Variants in CCDC171 observed in about 807,000 individuals in gnomAD.
CCDC171 encodes the protein coiled-coil domain containing 171, also known as coiled-coil domain-containing protein 171.
CCDC171 carries 177 observed loss-of-function variants against 168.2 expected under a neutral mutation model. That is an observed-to-expected ratio of 1.05 (90% CI 0.93 to 1.19). The LOEUF is 1.19. CCDC171 is among the 50% of genes most tolerant of loss of function. The pLI is 0.00. For missense variants in CCDC171, 1,991 were observed against 1,539.0 expected (o/e 1.29, Z -4.91); for synonymous variants, 687 against 540.8 (o/e 1.27, Z -3.75).
At chr9:15,709,593 C>A (rs2052503135) in intron 11 of CCDC171, among the ~76,000 whole-genome samples, 2 of 152,068 alleles carry the variant, frequency 1.3e-5, no homozygotes. Flanking sequence ...AAGATTGTAG[C>A]ATGCCAGATG....
chr9:15,805,640 C>T (rs758609530), intron 21 of CCDC171, among the ~76,000 whole-genome samples: 2 of 152,032 alleles, frequency 1.3e-5, no homozygotes, highest in Non-Finnish European at 2.9e-5. Flanking sequence ...TTTGCATTTG[C>T]ATTTGCTGAG....
At chr9:15,982,523 A>T (rs1016675255) in intron 3 of CCDC171, among the ~76,000 whole-genome samples, 7 of 152,154 alleles carry the variant, frequency 4.6e-5, no homozygotes, top group African/African-American at 1.2e-4. Context: ...TACTGGAAGG[A>T]AAGAGGGATA....
intron 16 of CCDC171, among the ~76,000 whole-genome samples, chr9:15,730,481 A>C (rs1220107903): frequency 6.6e-6 from 1 of 151,834 alleles, no homozygotes; most frequent in Non-Finnish European, 1.5e-5. Flanking sequence ...TTGGCATTGA[A>C]TTTATTAATA....
intron 11 of CCDC171, among the ~76,000 whole-genome samples, chr9:15,711,194 G>A (rs567007860): frequency 2.6e-5 from 4 of 152,200 alleles, no homozygotes; most frequent in East Asian, 3.9e-4. Context: ...ATATGAATAC[G>A]AATAATCACT....
chr9:15,630,123 T>G (rs1220287155), intron 7 of CCDC171, among the ~76,000 whole-genome samples: 7 of 152,116 alleles, frequency 4.6e-5, no homozygotes, highest in Non-Finnish European at 8.8e-5. Flanking sequence ...CATCAACTAA[T>G]GAGCAAAATA....
intron 11 of CCDC171, among the ~76,000 whole-genome samples, chr9:15,697,936 T>A (rs1045554414): frequency 6.6e-6 from 1 of 152,218 alleles, no homozygotes; most frequent in Non-Finnish European, 1.5e-5. Flanking sequence ...ATGCATGAAA[T>A]ATGTGTAATC....
At chr9:15,710,526 C>T (rs545176432) in intron 11 of CCDC171, among the ~76,000 whole-genome samples, 1 of 152,188 alleles carries the variant, frequency 6.6e-6, no homozygotes, top group East Asian at 1.9e-4. Context: ...TGGTCTCAAT[C>T]TCCTGACCTC....
At chr9:15,868,471 G>A (rs938124877) in intron 23 of CCDC171, among the ~76,000 whole-genome samples, 3 of 144,968 alleles carry the variant, frequency 2.1e-5, no homozygotes, top group African/African-American at 5.0e-5. Context: ...TAATAATTGT[G>A]TTCATGTGTG....
At chr9:15,638,057 A>G (rs2132459501) in intron 7 of CCDC171, among the ~76,000 whole-genome samples, 1 of 152,300 alleles carries the variant, frequency 6.6e-6, no homozygotes, top group South Asian at 2.1e-4. Flanking sequence ...TGACTTCCAC[A>G]ATATTTTTAC....
At chr9:15,958,038 A>G (rs1017030925) in intron 25 of CCDC171, among the ~76,000 whole-genome samples, 4 of 152,218 alleles carry the variant, frequency 2.6e-5, no homozygotes, top group African/African-American at 9.6e-5. Flanking sequence ...TTGCAGAAAG[A>G]GGAGTTTAAT....
chr9:15,708,723 A>G (rs377254896), intron 11 of CCDC171, among the ~76,000 whole-genome samples: 6 of 152,152 alleles, frequency 3.9e-5, no homozygotes, highest in African/African-American at 1.2e-4. Flanking sequence ...AATTTTCCCT[A>G]TAGTCTATCT....
chr9:15,665,534 G>C (rs1048122041), intron 8 of CCDC171, among the ~76,000 whole-genome samples: 1 of 152,182 alleles, frequency 6.6e-6, no homozygotes, highest in African/African-American at 2.4e-5. Context: ...TAATCTCAGT[G>C]CTTTGGGAGG....
At chr9:15,863,055 C>T (rs2061625881) in intron 23 of CCDC171, among the ~76,000 whole-genome samples, 1 of 147,578 alleles carries the variant, frequency 6.8e-6, no homozygotes, top group African/African-American at 2.6e-5. Flanking sequence ...TTTCTCAAAC[C>T]ACCACCCTTT....
rs560177658 is a variant in CCDC171, at chr9:15,600,964, C to T, written c.675+6792C>T. 5.9e-5 allele frequency among the ~76,000 whole-genome samples: 9 copies of T among 152,270 alleles called. No individual in the cohort carries two copies. In the East Asian group the frequency reaches 9.7e-4, roughly 16 times the overall value. ...CGCGGGATACAATCTCCTGGTGTGC[C>T]GTTTGCTAAGACTGTTGGAAAAGTG... On this transcript the variant is annotated intron_variant, in intron 6 of 25. Coordinates refer to ENST00000380701, the MANE Select transcript of CCDC171 (RefSeq NM_173550.4).
At chr9:15,881,704 A>G (rs911210602) in intron 24 of CCDC171, among the ~76,000 whole-genome samples, 3 of 152,178 alleles carry the variant, frequency 2.0e-5, no homozygotes, top group Admixed American at 6.5e-5. Flanking sequence ...GCTCCCACAT[A>G]TGAGTCAGAA....
At chr9:15,747,412 C>T (rs1356577322) in intron 18 of CCDC171, among the ~76,000 whole-genome samples, 1 of 152,212 alleles carries the variant, frequency 6.6e-6, no homozygotes, top group Admixed American at 6.5e-5. Context: ...AACGGGCAGA[C>T]TGCATCCTCA....
At chr9:15,870,904 A>C (rs2062011624) in intron 23 of CCDC171, among the ~76,000 whole-genome samples, 1 of 151,496 alleles carries the variant, frequency 6.6e-6, no homozygotes, top group African/African-American at 2.4e-5. Flanking sequence ...GGATCACTTA[A>C]AATCTAGAAC....
intron 11 of CCDC171, among the ~76,000 whole-genome samples, chr9:15,697,406 TAA>T (rs2051297493): frequency 6.6e-6 from 1 of 152,240 alleles, no homozygotes; most frequent in Non-Finnish European, 1.5e-5. Context: ...GTCTCGTCAT[TAA>T]ACTATCTTGC....
intron 25 of CCDC171, among the ~76,000 whole-genome samples, chr9:15,924,714 C>G (rs1825710681): frequency 6.6e-6 from 1 of 151,424 alleles, no homozygotes; most frequent in African/African-American, 2.4e-5. Flanking sequence ...ATACTTGCTT[C>G]TATATACTCA....
Sources: allele counts gnomAD v4.1 joint callset (sites outside exome capture counted in the v4.1 genomes callset), GRCh38; gene constraint gnomAD v4.1.1; transcripts MANE v1.5; gene names NCBI Gene and HGNC (gene_info 2026-07-23, HGNC 2026-07-21).